UST: variants seen among roughly 807,000 people sequenced by gnomAD.
The protein encoded by UST is uronyl 2-sulfotransferase.
A neutral mutation model predicts 45.6 loss-of-function variants in UST; 21 were observed. The observed-to-expected ratio is 0.46, with a 90% CI of 0.33 to 0.66. The LOEUF (loss-of-function observed/expected upper bound fraction) is 0.66, where lower values mean the gene tolerates loss of function less well. Among genes scored for constraint, UST ranks in the 30% least tolerant of loss-of-function variants. The pLI, the probability that UST is intolerant of heterozygous loss-of-function variation, is 0.02. For missense variants in UST, 463 were observed against 512.4 expected (o/e 0.90, Z 0.93); for synonymous variants, 215 against 200.6 (o/e 1.07, Z -0.61).
At position 149,002,798 on chromosome 6, in the gene UST, C is replaced by T. The variant is rs142550239; in HGVS notation, c.682-16341C>T. 3.7e-3 allele frequency among the ~76,000 whole-genome samples: 560 copies of T among 152,230 alleles called. 5 individuals carry two copies. Among genetic ancestry groups the T allele is most frequent in the African/African-American group, 0.013 (532 of 41,538 alleles). ...CTGGGATTACAGGCGTGAGCCACTG[C>T]GCCTGGCCGTATGACACATTTTAAT... On this transcript the variant is annotated intron_variant, in intron 5 of 7. Transcript: ENST00000367463.
intron 6 of UST, among the ~76,000 whole-genome samples, chr6:149,020,275 C>T (rs1294430072): frequency 6.6e-6 from 1 of 152,096 alleles, no homozygotes; most frequent in Non-Finnish European, 1.5e-5. Context: ...TTTGACTTCA[C>T]CATAAGCCCC....
intron 5 of UST, among the ~76,000 whole-genome samples, chr6:148,996,314 G>T (rs1160458298): frequency 6.6e-6 from 1 of 152,132 alleles, no homozygotes; most frequent in Non-Finnish European, 1.5e-5. Flanking sequence ...TGCCTCCCAG[G>T]TTCAAGTGAT....
chr6:148,795,625 G>A (rs1307794850), intron 1 of UST, among the ~76,000 whole-genome samples: 1 of 152,096 alleles, frequency 6.6e-6, no homozygotes, highest in African/African-American at 2.4e-5. Flanking sequence ...ATACCCTTAG[G>A]TAGAATAGCT....
At chr6:148,823,689 G>A (rs551355192) in intron 1 of UST, among the ~76,000 whole-genome samples, 2 of 152,282 alleles carry the variant, frequency 1.3e-5, no homozygotes, top group South Asian at 2.1e-4. Flanking sequence ...TGTACCTCAT[G>A]TGTTACAAAG....
chr6:148,970,878 T>G (rs1780901180), intron 5 of UST, among the ~76,000 whole-genome samples: 1 of 152,208 alleles, frequency 6.6e-6, no homozygotes. Flanking sequence ...AGGACTTATG[T>G]CATTAGATTG....
intron 1 of UST, among the ~76,000 whole-genome samples, chr6:148,783,662 C>T (rs922894043): frequency 2.6e-5 from 4 of 152,118 alleles, no homozygotes; most frequent in African/African-American, 9.7e-5. Flanking sequence ...TGGAAGAGGC[C>T]TTAGAGATGA....
chr6:148,825,956 G>C (rs1301061623), intron 1 of UST, among the ~76,000 whole-genome samples: 1 of 152,140 alleles, frequency 6.6e-6, no homozygotes, highest in Non-Finnish European at 1.5e-5. Context: ...GGTTGAGGAG[G>C]GGGCAGATAG....
chr6:148,881,931 T>G (rs991897977), intron 1 of UST, among the ~76,000 whole-genome samples: 2 of 152,178 alleles, frequency 1.3e-5, no homozygotes, highest in Non-Finnish European at 2.9e-5. Context: ...ACATATCAAA[T>G]AATAAAATAG....
intron 1 of UST, among the ~76,000 whole-genome samples, chr6:148,786,253 G>C (rs1776733688): frequency 6.6e-6 from 1 of 151,802 alleles, no homozygotes; most frequent in Non-Finnish European, 1.5e-5. Flanking sequence ...TAAGTTCAGG[G>C]GTCCGTGTGC....
intron 1 of UST, among the ~76,000 whole-genome samples, chr6:148,827,134 G>A (rs1040151294): frequency 3.9e-5 from 6 of 152,228 alleles, no homozygotes; most frequent in African/African-American, 7.2e-5. Context: ...TATAGTGCAT[G>A]TGGTTTATGT....
At chr6:148,783,223 G>A (rs1776676617) in intron 1 of UST, among the ~76,000 whole-genome samples, 1 of 152,070 alleles carries the variant, frequency 6.6e-6, no homozygotes, top group African/African-American at 2.4e-5. Flanking sequence ...TTAGATATAA[G>A]TGTATTATTG....
chr6:149,026,157 A>C (rs1474207059), intron 7 of UST, among the ~76,000 whole-genome samples: 1 of 140,504 alleles, frequency 7.1e-6, no homozygotes, highest in African/African-American at 2.5e-5. Context: ...AAAAAAAAAA[A>C]AAAAAAAAAC....
intron 1 of UST, among the ~76,000 whole-genome samples, chr6:148,881,424 A>G (rs528621751): frequency 1.3e-5 from 2 of 152,340 alleles, no homozygotes; most frequent in South Asian, 4.1e-4. Context: ...CTAAAGGTAT[A>G]GGTTACTTTT....
In UST at chr6:148,927,627, G is replaced by A. The variant is rs370511455; in HGVS notation, c.292-13652G>A. On this transcript the variant is annotated intron_variant, in intron 2 of 7. Coordinates refer to ENST00000367463, the MANE Select transcript of UST (RefSeq NM_005715.3). ...TTTTACAAATTAAGTGAGATATTGC[G>A]TGAAAGGCACCACCAAATTAAGAGC... Among the ~76,000 whole-genome samples, 10 of 152,166 alleles carry A rather than the reference G, an allele frequency of 6.6e-5. No homozygotes were observed. The East Asian group carries it at 7.7e-4, about 12-fold the overall frequency.
chr6:148,801,421 A>C (rs543873905), intron 1 of UST, among the ~76,000 whole-genome samples: 1 of 152,184 alleles, frequency 6.6e-6, no homozygotes, highest in Non-Finnish European at 1.5e-5. Flanking sequence ...ACTAGATGGT[A>C]GGGTAGATTT....
chr6:149,055,139 G>T (rs1452169804), intron 7 of UST, among the ~76,000 whole-genome samples: 1 of 152,002 alleles, frequency 6.6e-6, no homozygotes, highest in African/African-American at 2.4e-5. Flanking sequence ...GAGAGTAAAG[G>T]TTACTAGAAA....
chr6:148,998,763 T>A (rs1027498977), intron 5 of UST, among the ~76,000 whole-genome samples: 1 of 152,262 alleles, frequency 6.6e-6, no homozygotes, highest in Non-Finnish European at 1.5e-5. Context: ...TCCCATTGAC[T>A]GTATGCTTCA....
rs754638085 is a variant in UST at position 149,021,385 on chromosome 6, G to C, written c.841G>C (p.Val281Leu). ...KLNVNENFLL[V>L]GILEELEDVL... ...GAACGTGAATGAAAACTTCCTGCTCGTGGGGATTCTTGAAGAGTTGGAAGA... is the reference window on the plus strand; with the variant it reads ...GAACGTGAATGAAAACTTCCTGCTCCTGGGGATTCTTGAAGAGTTGGAAGA... The change falls in exon 7 of 8, where the codon GTG becomes CTG. Residue 281 changes from valine (V) to leucine (L), a missense_variant. Physicochemically the swap from Val to Leu is conservative, Grantham distance 32. This residue lies in a region of UST where 287 missense variants were observed against 374.2 expected (regional missense o/e 0.77). Coordinates refer to ENST00000367463, the MANE Select transcript of UST (RefSeq NM_005715.3). 5 of 1,614,076 alleles carry C rather than the reference G, an allele frequency of 3.1e-6. No homozygotes were observed. Among genetic ancestry groups the C allele is most frequent in the Non-Finnish European group, 4.2e-6 (5 of 1,180,032 alleles).
intron 5 of UST, among the ~76,000 whole-genome samples, chr6:148,972,693 G>A (rs1381462915): frequency 6.6e-6 from 1 of 152,274 alleles, no homozygotes; most frequent in Non-Finnish European, 1.5e-5. Context: ...TGAGTCAGCG[G>A]AGCTGCTGCA....
Sources: allele counts gnomAD v4.1 joint callset (sites outside exome capture counted in the v4.1 genomes callset), GRCh38; gene constraint gnomAD v4.1.1; regional missense constraint gnomAD v4.1.1; transcripts MANE v1.5; gene names NCBI Gene and HGNC (gene_info 2026-07-23, HGNC 2026-07-21).